Variants in RGPD3 observed in about 807,000 individuals in gnomAD.
RGPD3 encodes RANBP2 like and GRIP domain containing 3.
Under a neutral mutation model 154.5 loss-of-function variants are expected in RGPD3, and 62 were observed. The observed-to-expected ratio is 0.40, with a 90% CI of 0.33 to 0.50. The LOEUF is 0.50. Ranked by LOEUF, RGPD3 falls within the 20% of genes least tolerant of loss-of-function variation. RGPD3 has a pLI of 0.59. For missense variants in RGPD3, 919 were observed against 1,716.8 expected (o/e 0.54, Z 8.21); for synonymous variants, 308 against 607.0 (o/e 0.51, Z 7.24).
intron 1 of RGPD3, among the ~76,000 whole-genome samples, chr2:106,460,779 A>AGAGGCT (rs1678382129): frequency 1.4e-5 from 1 of 73,788 alleles, no homozygotes; most frequent in South Asian, 6.9e-4. Flanking sequence ...CCCGGGAGGC[A>AGAGGCT]GCAGTGGGCC....
At position 106,424,917 on chromosome 2, in the gene RGPD3, G is replaced by A. The variant is rs755402808; in HGVS notation, c.3050C>T (p.Thr1017Ile). 7.7e-5 allele frequency: 124 copies of A among 1,611,690 alleles called. No individual in the cohort carries two copies. The highest frequency in any genetic ancestry group is 9.6e-5 in the Non-Finnish European group (113 of 1,179,830). The change falls in exon 20 of 23, where the codon ACT becomes ATT. Residue 1017 changes from threonine (T) to isoleucine (I), a missense_variant. Physicochemically the swap from Thr to Ile is moderately conservative, Grantham distance 89. Coordinates refer to ENST00000409886, the MANE Select transcript of RGPD3 (RefSeq NM_001144013.2). Reference sequence around the variant, plus strand: ...ATCATCTTTCTCAAAGTCACCGGAAGTGTTTGCTTTATTGGCCATTTTACC... The same window carrying A: ...ATCATCTTTCTCAAAGTCACCGGAAATGTTTGCTTTATTGGCCATTTTACC... ...QYGKMANKAN[T>I]SGDFEKDDDA...
At chr2:106,416,125 C>A (rs1357281757) in intron 20 of RGPD3, 136 bp from the exon 21 acceptor site, 1 of 1,412,394 alleles carries the variant, frequency 7.1e-7, no homozygotes, top group Non-Finnish European at 9.5e-7. Context: ...TTCATCTATT[C>A]GGCATACCTC....
chr2:106,441,863 C>CAAAAAAA lies in RGPD3; in HGVS notation c.979-490_979-484dup, dbSNP rs1166971652. Among the ~76,000 whole-genome samples, 13 of 13,640 alleles carry CAAAAAAA rather than the reference C, an allele frequency of 9.5e-4. 3 individuals carry two copies. Among genetic ancestry groups the CAAAAAAA allele is most frequent in the African/African-American group, 2.4e-3 (8 of 3,326 alleles). 8.9% of individuals were successfully genotyped at this position (13,640 alleles called of 152,430 possible). On this transcript the variant is annotated intron_variant, in intron 7 of 22. Transcript: ENST00000409886. ...TGGGTGAAAGAGTGAGACTCCATCG[C>CAAAAAAA]AAAAAAAAAAAAAAAAAAAAAAAAA...
At chr2:106,451,020 C>T (rs866911198) in intron 6 of RGPD3, among the ~76,000 whole-genome samples, 10 of 147,252 alleles carry the variant, frequency 6.8e-5, no homozygotes, top group South Asian at 6.5e-4. Context: ...ACCCGGGAGG[C>T]GGAGGTTACA....
intron 20 of RGPD3, among the ~76,000 whole-genome samples, chr2:106,419,949 TAATA>T (rs2104451781): frequency 6.6e-6 from 1 of 150,792 alleles, no homozygotes; most frequent in Admixed American, 6.7e-5. Context: ...TGTGTTTACT[TAATA>T]GTCATTGAAA....
intron 1 of RGPD3, among the ~76,000 whole-genome samples, chr2:106,464,615 G>T (rs1284887457): frequency 1.3e-5 from 2 of 151,812 alleles, no homozygotes; most frequent in Non-Finnish European, 2.9e-5. Flanking sequence ...AGTAGACTTT[G>T]AGAAGTAGGA....
intron 1 of RGPD3, among the ~76,000 whole-genome samples, chr2:106,464,173 G>A (rs1317627424): frequency 2.0e-5 from 3 of 151,890 alleles, no homozygotes; most frequent in African/African-American, 4.8e-5. Flanking sequence ...GTGAAACCCC[G>A]TCTCTACTAA....
chr2:106,417,945 A>G (rs1022645854), intron 20 of RGPD3, among the ~76,000 whole-genome samples: 4 of 149,624 alleles, frequency 2.7e-5, no homozygotes, highest in African/African-American at 9.9e-5. Context: ...CCTGGCCAAG[A>G]TGGTGAAACC....
intron 22 of RGPD3, among the ~76,000 whole-genome samples, chr2:106,407,579 T>C (rs571263358): frequency 6.6e-6 from 1 of 151,998 alleles, no homozygotes; most frequent in African/African-American, 2.4e-5. Flanking sequence ...CACTGTTGTA[T>C]GTTCACCTGC....
Position 106,403,747 on chromosome 2 carries a change from C to T in RGPD3, c.*1472G>A, listed in dbSNP as rs1325368554. The stretch of plus-strand genomic sequence containing the variant: ...CATACATTCGCTAGTTAGGTCTGTT[C>T]TTCTAAGGAGGAAAGACGAGATATA... On this transcript the variant is annotated 3_prime_UTR_variant, in exon 23 of 23. Transcript: ENST00000409886. 6.6e-6 allele frequency among the ~76,000 whole-genome samples: 1 copy of T among 152,260 alleles called. No individual in the cohort carries two copies. Among genetic ancestry groups the T allele is most frequent in the Admixed American group, 6.5e-5 (1 of 15,286 alleles).
Position 106,415,917 on chromosome 2 carries a change from G to T in RGPD3, c.4997C>A (p.Ala1666Glu). The T allele has an allele frequency of 6.2e-7, 1 of 1,611,838 alleles. No individual in the cohort carries two copies. The highest frequency in any genetic ancestry group is 1.1e-5 in the South Asian group (1 of 90,972). Residue 1666 changes from alanine (A) to glutamate (E), a missense_variant, in exon 21 of 23, where the codon GCA becomes GAA. Transcript: ENST00000409886. ...CCGAAGCAGGCCGTTTAAGTGATCT[G>T]CACTTTTTGTGGTGGAACTGAGCTT... Reference protein sequence around the residue: ...VQKLSSTTKSADHLNGLLREI... With the variant: ...VQKLSSTTKSEDHLNGLLREI...
At chr2:106,451,268 T>C (rs986530752) in intron 6 of RGPD3, among the ~76,000 whole-genome samples, 55 of 152,004 alleles carry the variant, frequency 3.6e-4, no homozygotes, top group Non-Finnish European at 5.9e-4. Flanking sequence ...GTTATGTTAG[T>C]TCTTTTAGAT....
rs1444718971 is a variant in RGPD3, at chr2:106,424,682, T to C, written c.3285A>G (p.Lys1095=). 3 of 1,611,988 alleles carry C rather than the reference T, an allele frequency of 1.9e-6. No individual in the cohort carries two copies. Among genetic ancestry groups the C allele is most frequent in the East Asian group, 4.5e-5 (2 of 44,876 alleles). ...GTTCTCTTTGCATCAGCATTCTTAC[T>C]TTGCCATTGACCTCGTTTTTGAGAA... ...LKILKNEVNG[K]VRMLMQREQV... Residue 1095 remains lysine, a synonymous_variant, in exon 20 of 23, where the codon AAA becomes AAG. Transcript: ENST00000409886.
rs538891464 is a variant in RGPD3 at position 106,414,051 on chromosome 2, G to A, written c.5065-766C>T. Among the ~76,000 whole-genome samples the A allele has an allele frequency of 5.2e-3, 784 of 152,020 alleles. 7 individuals carry two copies. The highest frequency in any genetic ancestry group is 0.018 in the African/African-American group (726 of 41,444). On this transcript the variant is annotated intron_variant, in intron 21 of 22. Coordinates refer to ENST00000409886, the MANE Select transcript of RGPD3 (RefSeq NM_001144013.2). Reference sequence around the variant, plus strand: ...GGCAGTTAAGACGTCCACAGTGAACGGCACTTAATCAAAAGTTCAGACACA... The same window carrying A: ...GGCAGTTAAGACGTCCACAGTGAACAGCACTTAATCAAAAGTTCAGACACA...
Position 106,424,867 on chromosome 2 carries a change from C to A in RGPD3, c.3100G>T (p.Asp1034Tyr). 6.2e-7 allele frequency: 1 copy of A among 1,611,670 alleles called. No homozygotes were observed. The highest frequency in any genetic ancestry group is 8.5e-7 in the Non-Finnish European group (1 of 1,179,762). ...DDDAYKTEDSDDIHFEPVVQM... is the reference protein window; with the variant it reads ...DDDAYKTEDSYDIHFEPVVQM... ...ACTACTGGTTCAAAATGGATGTCATCGCTGTCCTCAGTCTTATAGGCATCA... is the reference window on the plus strand; with the variant it reads ...ACTACTGGTTCAAAATGGATGTCATAGCTGTCCTCAGTCTTATAGGCATCA... Residue 1034 changes from aspartate (D) to tyrosine (Y), a missense_variant, in exon 20 of 23, where the codon GAT becomes TAT. Physicochemically the swap from Asp to Tyr is radical, Grantham distance 160. Coordinates refer to ENST00000409886, the MANE Select transcript of RGPD3 (RefSeq NM_001144013.2).
At chr2:106,418,489 G>T (rs1233888849) in intron 20 of RGPD3, among the ~76,000 whole-genome samples, 2 of 152,024 alleles carry the variant, frequency 1.3e-5, no homozygotes, top group African/African-American at 2.4e-5. Flanking sequence ...TGCTCATACA[G>T]TTAAGAGCCC....
Position 106,403,730 on chromosome 2 carries a change from C to A in RGPD3, c.*1489G>T, listed in dbSNP as rs1269321726. On this transcript the variant is annotated 3_prime_UTR_variant, in exon 23 of 23. Coordinates refer to ENST00000409886, the MANE Select transcript of RGPD3 (RefSeq NM_001144013.2). The stretch of plus-strand genomic sequence containing the variant: ...ATAGATGCATTTTCATTCATACATT[C>A]GCTAGTTAGGTCTGTTCTTCTAAGG... Among the ~76,000 whole-genome samples, 2 of 152,268 alleles carry A rather than the reference C, an allele frequency of 1.3e-5. No individual in the cohort carries two copies. The highest frequency in any genetic ancestry group is 4.8e-5 in the African/African-American group (2 of 41,482).
At chr2:106,447,794 G>T (rs1383173233) in intron 6 of RGPD3, among the ~76,000 whole-genome samples, 181 bp from the exon 7 acceptor site, 1 of 145,136 alleles carries the variant, frequency 6.9e-6, no homozygotes, top group Non-Finnish European at 1.5e-5. Context: ...TTTTTATCCT[G>T]CATACTTCCT....
intron 3 of RGPD3, among the ~76,000 whole-genome samples, 164 bp downstream of exon 3, chr2:106,457,403 G>A (rs1272994496): frequency 1.8e-4 from 27 of 152,264 alleles, no homozygotes; most frequent in African/African-American, 5.8e-4. Context: ...ATTTATAGGT[G>A]TTAAACAATT....
Sources: allele counts gnomAD v4.1 joint callset (sites outside exome capture counted in the v4.1 genomes callset), GRCh38; gene constraint gnomAD v4.1.1; transcripts MANE v1.5; gene names NCBI Gene and HGNC (gene_info 2026-07-23, HGNC 2026-07-21).